The following AUH variants were observed in gnomAD, a reference collection of about 807,000 sequenced individuals.
The protein encoded by AUH is AU RNA binding methylglutaconyl-CoA hydratase.
A neutral mutation model predicts 42.3 loss-of-function variants in AUH; 29 were observed. The observed-to-expected ratio is 0.69, with a 90% confidence interval of 0.51 to 0.93. The LOEUF is 0.93. Ranked by LOEUF, AUH falls within the 40% of genes least tolerant of loss-of-function variation. The pLI is 0.00. For synonymous variants in AUH, 174 were observed against 166.4 expected (o/e 1.05, Z -0.35); for missense variants, 452 against 438.1 (o/e 1.03, Z -0.28).
In AUH at chr9:91,278,116, C is replaced by G. The variant is rs577040481; in HGVS notation, c.655+17905G>C. Among the ~76,000 whole-genome samples, 10 of 152,242 alleles carry G rather than the reference C, an allele frequency of 6.6e-5. No homozygotes were observed. In the South Asian group the frequency reaches 2.1e-3, roughly 32 times the overall value. On this transcript the variant is annotated intron_variant, in intron 6 of 9. Transcript: ENST00000375731. ...GGGAAGAAATTGTAGGAAAAGAAAA[C>G]AACGGAGGGCTGGCAACATGCTGCA...
rs1307600670 is a variant in AUH, at chr9:91,361,843, T to C, written c.47A>G (p.His16Arg). 18 of 1,495,672 alleles carry C rather than the reference T, an allele frequency of 1.2e-5. No individual in the cohort carries two copies. The highest frequency in any genetic ancestry group is 5.6e-5 in the East Asian group (2 of 35,962). The allele number at this position is 1,495,672 out of a possible 1,614,324, so 92.7% of individuals were successfully genotyped here. The change falls in exon 1 of 10, where the codon CAT (histidine) becomes CGT (arginine). Residue 16 changes from histidine to arginine, a missense_variant. His to Arg is a conservative substitution (Grantham distance 29, BLOSUM62 0). Coordinates refer to ENST00000375731, the MANE Select transcript of AUH (RefSeq NM_001698.3). The stretch of plus-strand genomic sequence containing the variant: ...GGCCACCAGGCGGGCGCCGCCAGCA[T>C]GCAGGGATCCCAAGGCCCCAGGTGC... ...AAAPGALGSL[H>R]AGGARLVAAC...
intron 3 of AUH, among the ~76,000 whole-genome samples, chr9:91,330,335 T>C (rs1417805076): frequency 6.6e-6 from 1 of 152,164 alleles, no homozygotes; most frequent in Non-Finnish European, 1.5e-5. Flanking sequence ...AAAGAACACA[T>C]TACATTCATG....
intron 7 of AUH, among the ~76,000 whole-genome samples, chr9:91,219,918 A>G (rs1046752460): frequency 6.6e-6 from 1 of 152,260 alleles, no homozygotes; most frequent in East Asian, 1.9e-4. Context: ...AGCCCACAAA[A>G]AAGGTTATGA....
intron 4 of AUH, among the ~76,000 whole-genome samples, chr9:91,305,361 G>A (rs994125093): frequency 6.6e-6 from 1 of 152,210 alleles, no homozygotes; most frequent in African/African-American, 2.4e-5. Context: ...GTTCAGGGAT[G>A]TTAAATTGGT....
intron 6 of AUH, among the ~76,000 whole-genome samples, chr9:91,260,471 T>C (rs747857095): frequency 6.6e-6 from 1 of 152,204 alleles, no homozygotes; most frequent in Non-Finnish European, 1.5e-5. Context: ...ACTGGCTTAC[T>C]AGCTGTATTT....
intron 4 of AUH, among the ~76,000 whole-genome samples, chr9:91,302,304 C>T (rs1827849604): frequency 6.6e-6 from 1 of 151,878 alleles, no homozygotes; most frequent in African/African-American, 2.4e-5. Context: ...CCCATCTCTA[C>T]TAAAAATACA....
chr9:91,307,193 T>C (rs1828295231), intron 4 of AUH, among the ~76,000 whole-genome samples: 1 of 152,162 alleles, frequency 6.6e-6, no homozygotes, highest in Admixed American at 6.5e-5. Flanking sequence ...AGTCAAAAGT[T>C]ACCAAATTGT....
chr9:91,298,026 C>G lies in AUH; in HGVS notation c.556G>C (p.Gly186Arg), dbSNP rs1040881767. ...IAAIDGLALG[G>R]GLELALACDI... ...CAGGCTAAAGCCAGTTCAAGACCAC[C>G]ACCTAAAGCGAGTCCATCTATTGCT... The change falls in exon 5 of 10, where the codon GGT (glycine) becomes CGT (arginine). Residue 186 changes from glycine to arginine, a missense_variant. By Grantham distance (125) the Gly-to-Arg change is moderately radical (BLOSUM62 -2). Coordinates refer to ENST00000375731, the MANE Select transcript of AUH (RefSeq NM_001698.3). 9.3e-6 allele frequency: 15 copies of G among 1,614,030 alleles called. No individual in the cohort carries two copies. The highest frequency in any genetic ancestry group is 1.3e-5 in the Non-Finnish European group (15 of 1,179,916).
intron 9 of AUH, among the ~76,000 whole-genome samples, chr9:91,215,063 T>C (rs1011714392): frequency 5.9e-5 from 9 of 152,202 alleles, no homozygotes; most frequent in African/African-American, 2.2e-4. Flanking sequence ...GTGATTTATA[T>C]ATACAAGCTG....
rs138894846 is a variant in AUH, at chr9:91,250,077, G to GAA, written c.656-29087_656-29086dup. On this transcript the variant is annotated intron_variant, in intron 6 of 9. Coordinates refer to ENST00000375731, the MANE Select transcript of AUH (RefSeq NM_001698.3). ...ACTAAATTCTTCTTTTAGAAAGAAG[G>GAA]AAAAAAAATGAAAAACTTAAAAAAT... Among the ~76,000 whole-genome samples, 8 of 151,390 alleles carry GAA rather than the reference G, an allele frequency of 5.3e-5. No individual in the cohort carries two copies. In the East Asian group the frequency reaches 1.2e-3, roughly 22 times the overall value.
At chr9:91,289,749 G>A (rs1826706140) in intron 6 of AUH, among the ~76,000 whole-genome samples, 1 of 152,066 alleles carries the variant, frequency 6.6e-6, no homozygotes, top group African/African-American at 2.4e-5. Flanking sequence ...AAAGGAGATG[G>A]CAAAAATATC....
At chr9:91,260,329 TG>T (rs1679082921) in intron 6 of AUH, among the ~76,000 whole-genome samples, 1 of 152,344 alleles carries the variant, frequency 6.6e-6, no homozygotes, top group South Asian at 2.1e-4. Flanking sequence ...TTACATTTAA[TG>T]TAACTATCCA....
chr9:91,288,155 A>G (rs973545777), intron 6 of AUH, among the ~76,000 whole-genome samples: 1 of 152,076 alleles, frequency 6.6e-6, no homozygotes, highest in Non-Finnish European at 1.5e-5. Context: ...TTACCTTAGT[A>G]ATAATAAGGT....
intron 6 of AUH, among the ~76,000 whole-genome samples, chr9:91,226,785 C>T (rs1827518887): frequency 8.3e-6 from 1 of 120,414 alleles, no homozygotes; most frequent in Non-Finnish European, 1.7e-5. Context: ...GCCAGTTTTC[C>T]CAGCACCATT....
chr9:91,315,838 A>G (rs904191446), intron 4 of AUH, among the ~76,000 whole-genome samples: 1 of 152,204 alleles, frequency 6.6e-6, no homozygotes, highest in African/African-American at 2.4e-5. Context: ...CAAACCAAAG[A>G]TAACCATCCT....
chr9:91,284,208 A>G (rs1483280618), intron 6 of AUH, among the ~76,000 whole-genome samples: 2 of 152,078 alleles, frequency 1.3e-5, no homozygotes. Context: ...AACAAGAAAT[A>G]GGGAAAGAAT....
At chr9:91,316,020 T>C (rs1348865985) in intron 4 of AUH, among the ~76,000 whole-genome samples, 3 of 152,260 alleles carry the variant, frequency 2.0e-5, no homozygotes, top group African/African-American at 7.2e-5. Context: ...GTATTATTCA[T>C]TTATGTACAC....
chr9:91,280,381 TAAGA>T (rs1312881244), intron 6 of AUH, among the ~76,000 whole-genome samples: 3 of 152,126 alleles, frequency 2.0e-5, no homozygotes, highest in African/African-American at 4.8e-5. Context: ...TGCTGGATAA[TAAGA>T]AAGTAACCTG....
At chr9:91,267,219 TA>T (rs1363664795) in intron 6 of AUH, among the ~76,000 whole-genome samples, 2 of 152,104 alleles carry the variant, frequency 1.3e-5, no homozygotes, top group Non-Finnish European at 2.9e-5. Flanking sequence ...CTTTAAAAGG[TA>T]ACAAATATAA....
Sources: allele counts gnomAD v4.1 joint callset (sites outside exome capture counted in the v4.1 genomes callset), GRCh38; gene constraint gnomAD v4.1.1; transcripts MANE v1.5; gene names NCBI Gene and HGNC (gene_info 2026-07-23, HGNC 2026-07-21).